HEATR9: variants seen among roughly 807,000 people sequenced by gnomAD.
The protein encoded by HEATR9 is protein HEATR9.
A neutral mutation model predicts 68.2 loss-of-function variants in HEATR9; 54 were observed. The ratio of observed to expected loss-of-function variants is 0.79; its 90% CI spans 0.64 to 0.99. The LOEUF (loss-of-function observed/expected upper bound fraction) is 0.99, where lower values mean the gene tolerates loss of function less well. HEATR9 is among the 50% of genes least tolerant of loss of function. The probability of loss-of-function intolerance (pLI) is 0.00; values close to 1 mark genes in which losing one functional copy is unlikely to be tolerated. For synonymous variants in HEATR9, 241 were observed against 253.5 expected (o/e 0.95, Z 0.47); for missense variants, 662 against 679.7 (o/e 0.97, Z 0.29).
Position 35,856,124 on chromosome 17 carries a change from C to T in HEATR9, c.1278+49G>A, listed in dbSNP as rs759812976. The T allele has an allele frequency of 4.4e-6, 7 of 1,573,498 alleles. No individual in the cohort carries two copies. In the Admixed American group the frequency reaches 8.3e-5, roughly 19 times the overall value. ...GTGACTCTGCTCAATCGCCTACTCC[C>T]CCTGCCATCAACACAGGAATTGGGT... On this transcript the variant is annotated intron_variant, in intron 13 of 14. Transcript: ENST00000604834.
chr17:35,855,138 A>G lies in HEATR9; in HGVS notation c.1638T>C (p.His546=), dbSNP rs114089205. 1,557 of 1,614,066 alleles carry G rather than the reference A, an allele frequency of 9.6e-4. 13 individuals are homozygous for G. In the African/African-American group the frequency reaches 0.018, roughly 18 times the overall value. ...FPPCCSKPRK[H]RPQVIGPWQP... Reference sequence around the variant, plus strand: ...GCCAGGGCCCTATGACCTGTGGCCTATGTTTTCGTGGTTTCGAGCAGCACG... The same window carrying G: ...GCCAGGGCCCTATGACCTGTGGCCTGTGTTTTCGTGGTTTCGAGCAGCACG... The change falls in exon 15 of 15, where the codon CAT becomes CAC. Residue 546 remains histidine, a synonymous_variant. Transcript: ENST00000604834.
At chr17:35,859,158 A>G (rs995817281) in intron 8 of HEATR9, 88 bp from the exon 9 acceptor site, 21 of 1,156,238 alleles carry the variant, frequency 1.8e-5, no homozygotes, top group Middle Eastern at 2.3e-4. Context: ...CTTCCTCCCT[A>G]AAATGAATCT....
chr17:35,860,390 TC>T (rs1484237055), intron 8 of HEATR9, among the ~76,000 whole-genome samples: 1 of 125,508 alleles, frequency 8.0e-6, no homozygotes, highest in Non-Finnish European at 1.6e-5. Flanking sequence ...AGACTCCGTC[TC>T]AAAAAAAAAA....
chr17:35,866,238 A>G (rs1051787027), intron 2 of HEATR9, among the ~76,000 whole-genome samples: 3 of 137,612 alleles, frequency 2.2e-5, no homozygotes, highest in Non-Finnish European at 4.6e-5. Flanking sequence ...ATTTAGGAAG[A>G]AAAAAAAAAA....
At chr17:35,867,095 C>CTA (rs1458038012) in intron 1 of HEATR9, among the ~76,000 whole-genome samples, 3 of 143,720 alleles carry the variant, frequency 2.1e-5, no homozygotes, top group Non-Finnish European at 4.6e-5. Context: ...ACTAAAAATA[C>CTA]AAAAAAAAAA....
At chr17:35,859,139 T>A in intron 8 of HEATR9, 69 bp from the exon 9 acceptor site, 2 of 1,310,198 alleles carry the variant, frequency 1.5e-6, no homozygotes, top group Non-Finnish European at 2.2e-6. Flanking sequence ...GCTTCCAGAC[T>A]ATATTCACCT....
At chr17:35,861,922 G>C (rs1358083317) in intron 8 of HEATR9, among the ~76,000 whole-genome samples, 7 of 151,356 alleles carry the variant, frequency 4.6e-5, no homozygotes, top group Non-Finnish European at 5.9e-5. Context: ...GCAATGGCGC[G>C]ATCTTGGCTC....
chr17:35,860,228 CAA>C (rs540689261), intron 8 of HEATR9, among the ~76,000 whole-genome samples: 6 of 125,348 alleles, frequency 4.8e-5, no homozygotes, highest in Admixed American at 8.1e-5. Flanking sequence ...ACTAAAAATA[CAA>C]AAAAAAAAAA....
chr17:35,860,479 T>TTTATTTTA (rs1303796847), intron 8 of HEATR9, among the ~76,000 whole-genome samples: 1 of 94,150 alleles, frequency 1.1e-5, no homozygotes, highest in Non-Finnish European at 2.1e-5. Flanking sequence ...TATTTATTTA[T>TTTATTTTA]TTTATTTATT....
At chr17:35,865,418 A>G (rs549203598) in intron 2 of HEATR9, 22 bp from the exon 3 acceptor site, 1 of 1,608,114 alleles carries the variant, frequency 6.2e-7, no homozygotes, top group South Asian at 1.1e-5. Flanking sequence ...AAGTGGCAGA[A>G]CAGTCAGAGG....
chr17:35,861,707 A>AT, intron 8 of HEATR9: 1 of 515,708 alleles, frequency 1.9e-6, no homozygotes, highest in East Asian at 3.5e-5. Context: ...CTTTGCTCAA[A>AT]TGTACCTTCT....
intron 1 of HEATR9, among the ~76,000 whole-genome samples, chr17:35,867,426 C>T (rs1288526247): frequency 1.4e-4 from 3 of 20,700 alleles, no homozygotes; most frequent in African/African-American, 7.7e-4. Flanking sequence ...CAGAGCAAGA[C>T]TCAAAAAAAA....
chr17:35,866,686 G>T (rs368572532), intron 2 of HEATR9, 38 bp downstream of exon 2: 2 of 1,594,406 alleles, frequency 1.3e-6, no homozygotes, highest in African/African-American at 1.3e-5. Context: ...TCCTAACTTT[G>T]ATACAGCTCC....
chr17:35,863,571 G>A lies in HEATR9; in HGVS notation c.568-12C>T. On this transcript the variant is annotated splice_polypyrimidine_tract_variant and intron_variant, in intron 6 of 14. Transcript: ENST00000604834. The stretch of plus-strand genomic sequence containing the variant: ...GGACCAGTTTGGGCCTAATTTAAGA[G>A]GCGGGTGGTAGGAACATATAATAAG... 6.2e-7 allele frequency: 1 copy of A among 1,614,086 alleles called. No individual in the cohort carries two copies. Among genetic ancestry groups the A allele is most frequent in the Non-Finnish European group, 8.5e-7 (1 of 1,179,926 alleles).
intron 14 of HEATR9, 103 bp from the exon 15 acceptor site, chr17:35,855,513 A>G: frequency 7.6e-7 from 1 of 1,310,710 alleles, no homozygotes; most frequent in Non-Finnish European, 1.1e-6. Flanking sequence ...GCCACAGGGC[A>G]CTGTGGCCCC....
intron 14 of HEATR9, 112 bp from the exon 15 acceptor site, chr17:35,855,522 C>T (rs1598568359): frequency 1.5e-6 from 2 of 1,310,716 alleles, no homozygotes; most frequent in East Asian, 2.3e-5. Context: ...CACTGTGGCC[C>T]CAAGGAACAA....
chr17:35,864,575 T>C (rs767021568), intron 4 of HEATR9, 22 bp from the exon 5 acceptor site: 87 of 1,606,868 alleles, frequency 5.4e-5, no homozygotes, highest in Non-Finnish European at 7.4e-5. Context: ...AGGCAGCCAG[T>C]GGAAAGGAAG....
Position 35,864,232 on chromosome 17 carries a change from G to A in HEATR9, c.567+14C>T. On this transcript the variant is annotated intron_variant, in intron 6 of 14. Transcript: ENST00000604834. ...TTTCCTTCTTTCCTGAACTCCAGCA[G>A]TTCTCAGACTCACCACCTGCTGTAG... 1.2e-6 allele frequency: 2 copies of A among 1,603,780 alleles called. No individual in the cohort carries two copies. The highest frequency in any genetic ancestry group is 1.7e-6 in the Non-Finnish European group (2 of 1,170,584).
In HEATR9 at chr17:35,864,564, A is replaced by G. The variant is rs1485298354; in HGVS notation, c.454-11T>C. ...GCTTTTTGTGAGTTCCTGCCCATCC[A>G]AGGCAGCCAGTGGAAAGGAAGACAG... On this transcript the variant is annotated splice_polypyrimidine_tract_variant and intron_variant, in intron 4 of 14. Coordinates refer to ENST00000604834, the MANE Select transcript of HEATR9 (RefSeq NM_152781.4). The G allele has an allele frequency of 2.5e-6, 4 of 1,612,324 alleles. No individual in the cohort carries two copies. The South Asian group carries it at 3.3e-5, about 13-fold the overall frequency.
Sources: allele counts gnomAD v4.1 joint callset (sites outside exome capture counted in the v4.1 genomes callset), GRCh38; gene constraint gnomAD v4.1.1; transcripts MANE v1.5; gene names NCBI Gene and HGNC (gene_info 2026-07-23, HGNC 2026-07-21).